Variants in GRIP2 observed in about 807,000 individuals in gnomAD.
GRIP2 encodes the protein glutamate receptor interacting protein 2.
In GRIP2, 58 loss-of-function variants were observed where a neutral mutation model predicts 108.3. That is an observed-to-expected ratio of 0.54 (90% CI 0.43 to 0.67). The LOEUF (loss-of-function observed/expected upper bound fraction) is 0.67. GRIP2 is among the 30% of genes least tolerant of loss of function. The pLI is 0.00. For synonymous variants in GRIP2, 586 were observed against 598.2 expected (o/e 0.98, Z 0.30); for missense variants, 1,278 against 1,430.6 (o/e 0.89, Z 1.72).
intron 1 of GRIP2, among the ~76,000 whole-genome samples, chr3:14,553,449 T>A (rs1695184690): frequency 6.6e-6 from 1 of 152,152 alleles, no homozygotes. Flanking sequence ...CCTCCTTATC[T>A]ACCTGGCAAA....
intron 1 of GRIP2, among the ~76,000 whole-genome samples, chr3:14,547,641 G>A (rs1013634177): frequency 1.3e-5 from 2 of 152,208 alleles, no homozygotes; most frequent in African/African-American, 4.8e-5. Context: ...TGGGTGCTCA[G>A]AGCGCTCCTG....
the GRIP2 span, among the ~76,000 whole-genome samples, chr3:14,591,515 T>A: frequency 6.6e-6 from 1 of 152,098 alleles, no homozygotes; most frequent in African/African-American, 2.4e-5. Flanking sequence ...TCTGGGAAGA[T>A]AAATGAAATG....
At chr3:14,570,137 A>G in the GRIP2 span, among the ~76,000 whole-genome samples, 1 of 152,202 alleles carries the variant, frequency 6.6e-6, no homozygotes, top group East Asian at 1.9e-4. Context: ...TGCGGGAAAC[A>G]TGCCCCAGAG....
chr3:14,537,168 C>T lies in GRIP2; in HGVS notation c.40+3101G>A, dbSNP rs75079195. Among the ~76,000 whole-genome samples the T allele has an allele frequency of 3.3e-5, 5 of 150,346 alleles. No homozygotes were observed. The East Asian group carries it at 9.6e-4, about 29-fold the overall frequency. On this transcript the variant is annotated intron_variant, in intron 1 of 23. Coordinates refer to ENST00000621039, the MANE Select transcript of GRIP2 (RefSeq NM_001080423.4). ...ACACATCTGTCCTTTCGACCCAAGG[C>T]CCACCAGACTCACATCCCCCTAGGG...
At chr3:14,602,921 G>C in the GRIP2 span, among the ~76,000 whole-genome samples, 31,773 of 149,870 alleles carry the variant, frequency 0.21, 3,589 homozygotes, top group East Asian at 0.42. This position sits in a 1 kb window ranked among gnomAD's most constrained non-coding sequence, Gnocchi z 4.7. Flanking sequence ...CAGCGGCCGC[G>C]TCTTACCTTC....
chr3:14,523,359 CTT>C (rs1205519908), intron 5 of GRIP2: 1 of 575,300 alleles, frequency 1.7e-6, no homozygotes. Context: ...AAGCTCCAGA[CTT>C]TGTTCTCAGT....
Position 14,521,766 on chromosome 3 carries a change from G to A in GRIP2, c.588C>T (p.Gly196=), listed in dbSNP as rs774000698. 27 of 1,603,838 alleles carry A rather than the reference G, an allele frequency of 1.7e-5. No individual in the cohort carries two copies. The highest frequency in any genetic ancestry group is 2.0e-5 in the Non-Finnish European group (24 of 1,175,948). ...PADREGSLKV[G]DRLLSVDGIP... is the part of the protein sequence containing the mutation. ...TTCCATCGACACTGAGCAGCCTGTC[G>A]CCCACCTTCAGGGAGCCCTCCCTGT... Residue 196 remains glycine (G), a synonymous_variant, in exon 7 of 24, where the codon GGC becomes GGT. Transcript: ENST00000621039. The surrounding 1 kb of genome is among the most constrained non-coding windows in gnomAD (Gnocchi z 5.1).
the GRIP2 span, among the ~76,000 whole-genome samples, chr3:14,602,421 C>T: frequency 1.3e-5 from 2 of 151,998 alleles, no homozygotes; most frequent in Non-Finnish European, 2.9e-5. The surrounding 1 kb of genome is among the most constrained non-coding windows in gnomAD (Gnocchi z 4.7). Context: ...GGGGTGGCGC[C>T]GGGCGTTCAA....
rs552440677 is a variant in GRIP2 at position 14,505,301 on chromosome 3, T to G, written c.2573+314A>C. Among the ~76,000 whole-genome samples, 2 of 152,034 alleles carry G rather than the reference T, an allele frequency of 1.3e-5. No individual in the cohort carries two copies. Among genetic ancestry groups the G allele is most frequent in the South Asian group, 4.1e-4 (2 of 4,828 alleles). On this transcript the variant is annotated intron_variant, in intron 20 of 23. Transcript: ENST00000621039. The surrounding 1 kb of genome is among the most constrained non-coding windows in gnomAD (Gnocchi z 4.2). ...AGGCCATCAGGCCATCTGGGGTAAGTCAGGTGGGCCTGGGTTCAAGTTCTG... is the reference window on the plus strand; with the variant it reads ...AGGCCATCAGGCCATCTGGGGTAAGGCAGGTGGGCCTGGGTTCAAGTTCTG...
the GRIP2 span, among the ~76,000 whole-genome samples, chr3:14,575,036 G>A: frequency 6.6e-6 from 1 of 152,158 alleles, no homozygotes; most frequent in African/African-American, 2.4e-5. Context: ...AGGAGGGTGG[G>A]TACCTCTAGG....
the GRIP2 span, among the ~76,000 whole-genome samples, chr3:14,567,032 G>A: frequency 6.6e-6 from 1 of 151,820 alleles, no homozygotes; most frequent in African/African-American, 2.4e-5. Context: ...TTGAATGAAT[G>A]AATGAATGAA....
chr3:14,501,898 A>C (rs1693776762), intron 21 of GRIP2, among the ~76,000 whole-genome samples: 1 of 152,184 alleles, frequency 6.6e-6, no homozygotes, highest in Non-Finnish European at 1.5e-5. Context: ...AAAATTTAAA[A>C]TCTCCAAATT....
chr3:14,534,751 C>T (rs1168947895), intron 1 of GRIP2, among the ~76,000 whole-genome samples: 1 of 152,052 alleles, frequency 6.6e-6, no homozygotes, highest in African/African-American at 2.4e-5. Flanking sequence ...ACGCTGCAGC[C>T]GGGGTGGGTG....
intron 4 of GRIP2, 81 bp downstream of exon 4, chr3:14,524,312 C>T: frequency 6.7e-7 from 1 of 1,485,010 alleles, no homozygotes. Flanking sequence ...TGATCCCTGC[C>T]ACCCAGGCCC....
At chr3:14,501,847 A>C (rs960807935) in intron 21 of GRIP2, among the ~76,000 whole-genome samples, 2 of 152,264 alleles carry the variant, frequency 1.3e-5, no homozygotes, top group Non-Finnish European at 2.9e-5. Flanking sequence ...TGTTGAAAGT[A>C]AAACAAATGA....
chr3:14,591,435 A>C, the GRIP2 span, among the ~76,000 whole-genome samples: 1 of 152,124 alleles, frequency 6.6e-6, no homozygotes, highest in Non-Finnish European at 1.5e-5. Flanking sequence ...TGGGCAATTG[A>C]CTTAACCTCT....
chr3:14,534,120 T>C (rs1298422536), intron 1 of GRIP2, among the ~76,000 whole-genome samples: 1 of 152,204 alleles, frequency 6.6e-6, no homozygotes, highest in Non-Finnish European at 1.5e-5. Flanking sequence ...TGTTTGCTGA[T>C]GCCTATTCAG....
chr3:14,575,047 G>A, the GRIP2 span, among the ~76,000 whole-genome samples: 2 of 152,082 alleles, frequency 1.3e-5, no homozygotes, highest in African/African-American at 4.8e-5. Context: ...TACCTCTAGG[G>A]GAGCAGGAGT....
the GRIP2 span, among the ~76,000 whole-genome samples, chr3:14,602,606 C>G: frequency 1.3e-5 from 2 of 151,630 alleles, no homozygotes; most frequent in Non-Finnish European, 2.9e-5. This position sits in a 1 kb window ranked among gnomAD's most constrained non-coding sequence, Gnocchi z 4.7. Context: ...CCGGTGGATG[C>G]CCCCTCGAGG....
Sources: allele counts gnomAD v4.1 joint callset (sites outside exome capture counted in the v4.1 genomes callset), GRCh38; gene constraint gnomAD v4.1.1; non-coding constraint Gnocchi (gnomAD v3.1); transcripts MANE v1.5; gene names NCBI Gene and HGNC (gene_info 2026-07-23, HGNC 2026-07-21).